The following NAV3 variants were observed in gnomAD, a reference collection of about 807,000 sequenced individuals.
NAV3 encodes pore membrane and/or filament interacting like protein 1.
A neutral mutation model predicts 244.7 loss-of-function variants in NAV3; 87 were observed. The observed-to-expected ratio is 0.36, with a 90% CI of 0.30 to 0.42. NAV3 has a LOEUF of 0.42. Among genes scored for constraint, NAV3 ranks in the 20% least tolerant of loss-of-function variants. NAV3 has a pLI of 1.00. For synonymous variants in NAV3, 1,126 were observed against 1,042.2 expected (o/e 1.08, Z -1.55); for missense variants, 2,663 against 2,893.3 (o/e 0.92, Z 1.83).
intron 1 of NAV3, among the ~76,000 whole-genome samples, chr12:77,868,348 C>T (rs1432034578): frequency 6.6e-6 from 1 of 151,936 alleles, no homozygotes; most frequent in Non-Finnish European, 1.5e-5. Context: ...TCTATTTTAT[C>T]TTATTTTATT....
intron 2 of NAV3, among the ~76,000 whole-genome samples, chr12:77,677,689 A>C (rs1026800932): frequency 6.6e-6 from 1 of 152,330 alleles, no homozygotes; most frequent in South Asian, 2.1e-4. Context: ...TAATTAGCGC[A>C]TTGCTTTGTA....
At chr12:78,168,907 A>G (rs1726431) in intron 24 of NAV3, 41 bp downstream of exon 24, 1,261,158 of 1,281,530 alleles carry the variant, frequency 0.98, 620,893 homozygotes, top group East Asian at 1. Context: ...AATATAATAG[A>G]CATCTATTTT....
chr12:77,597,644 G>T (rs1870231837), intron 2 of NAV3, among the ~76,000 whole-genome samples: 1 of 152,010 alleles, frequency 6.6e-6, no homozygotes, highest in Admixed American at 6.6e-5. Flanking sequence ...CTGGGTGCAG[G>T]AGATTTAACC....
intron 2 of NAV3, among the ~76,000 whole-genome samples, chr12:77,777,271 A>G (rs989896835): frequency 4.6e-5 from 7 of 152,224 alleles, no homozygotes; most frequent in Admixed American, 4.6e-4. Context: ...ATATAATGAA[A>G]TATATATACA....
At chr12:77,857,485 CCTAA>C (rs1453295001) in intron 1 of NAV3, among the ~76,000 whole-genome samples, 1 of 151,698 alleles carries the variant, frequency 6.6e-6, no homozygotes, top group South Asian at 2.1e-4. Flanking sequence ...TAGGGTTTTT[CCTAA>C]CTAAAATAAA....
chr12:78,002,544 AT>A (rs1873480030), intron 7 of NAV3, among the ~76,000 whole-genome samples: 1 of 152,130 alleles, frequency 6.6e-6, no homozygotes. Context: ...TAGTCTTTAA[AT>A]TTGGGCAGCT....
intron 12 of NAV3, among the ~76,000 whole-genome samples, chr12:78,091,106 T>G (rs1452689562): frequency 6.6e-6 from 1 of 152,270 alleles, no homozygotes; most frequent in Non-Finnish European, 1.5e-5. Flanking sequence ...AAATGCATTT[T>G]TGAAATAGAC....
intron 2 of NAV3, among the ~76,000 whole-genome samples, chr12:77,666,352 A>C (rs1873717969): frequency 6.6e-6 from 1 of 152,136 alleles, no homozygotes; most frequent in Non-Finnish European, 1.5e-5. Context: ...GTAGACATGC[A>C]ACAGATACTC....
chr12:77,877,207 C>T (rs536538736), intron 1 of NAV3, among the ~76,000 whole-genome samples: 6 of 152,018 alleles, frequency 3.9e-5, no homozygotes, highest in Non-Finnish European at 7.4e-5. Context: ...GAGAATATTT[C>T]CCATTTGTTT....
chr12:77,882,618 G>T (rs189460126), intron 1 of NAV3, among the ~76,000 whole-genome samples: 69 of 152,220 alleles, frequency 4.5e-4, no homozygotes, highest in Non-Finnish European at 8.1e-4. Context: ...CACATTGAAA[G>T]AAACTATCAA....
At chr12:77,622,534 ATTTTTTTTTTT>A (rs529338324) in intron 2 of NAV3, among the ~76,000 whole-genome samples, 3,794 of 90,734 alleles carry the variant, frequency 0.042, 99 homozygotes, top group Middle Eastern at 0.085. Flanking sequence ...ATCCATATGG[ATTTTTTTTTTT>A]TTTTTTTTTT....
At chr12:77,943,729 T>C (rs555723827) in intron 3 of NAV3, among the ~76,000 whole-genome samples, 48 of 152,216 alleles carry the variant, frequency 3.2e-4, no homozygotes, top group Non-Finnish European at 5.9e-4. Context: ...TACTTGCTCA[T>C]AGGACTACTT....
chr12:77,612,865 G>T (rs751611685), intron 2 of NAV3, among the ~76,000 whole-genome samples: 3 of 152,036 alleles, frequency 2.0e-5, no homozygotes, highest in Admixed American at 6.6e-5. Context: ...TCATGGGGAC[G>T]GTTCCTCCAT....
chr12:77,880,346 T>G (rs942115071), intron 1 of NAV3, among the ~76,000 whole-genome samples: 1 of 152,088 alleles, frequency 6.6e-6, no homozygotes, highest in African/African-American at 2.4e-5. Context: ...TTCAGGAAAA[T>G]GGACAATTTT....
intron 1 of NAV3, among the ~76,000 whole-genome samples, chr12:77,837,219 G>A (rs1053733556): frequency 1.3e-5 from 2 of 150,166 alleles, no homozygotes; most frequent in East Asian, 2.0e-4. Context: ...GAAAAGTTAT[G>A]TAAACTTTTA....
intron 2 of NAV3, among the ~76,000 whole-genome samples, chr12:77,711,357 C>A (rs1592606889): frequency 6.6e-6 from 1 of 152,182 alleles, no homozygotes; most frequent in Non-Finnish European, 1.5e-5. Context: ...CATCTCTAGT[C>A]CCATAGGAAA....
intron 12 of NAV3, among the ~76,000 whole-genome samples, chr12:78,079,791 C>T (rs545242376): frequency 6.6e-6 from 1 of 152,140 alleles, no homozygotes; most frequent in Non-Finnish European, 1.5e-5. Context: ...GGCCTACCCT[C>T]TAAGTGGAGT....
At chr12:78,149,861 A>T (rs960413968) in intron 22 of NAV3, among the ~76,000 whole-genome samples, 3 of 152,070 alleles carry the variant, frequency 2.0e-5, no homozygotes, top group African/African-American at 7.2e-5. Flanking sequence ...ATTTTTTTTA[A>T]GCTATCATTG....
chr12:78,150,097 T>A (rs1016272600), intron 22 of NAV3, among the ~76,000 whole-genome samples: 1 of 152,060 alleles, frequency 6.6e-6, no homozygotes, highest in Non-Finnish European at 1.5e-5. Flanking sequence ...TTGTTGTGTT[T>A]TTAAAGAGAT....
Sources: allele counts gnomAD v4.1 joint callset (sites outside exome capture counted in the v4.1 genomes callset), GRCh38; gene constraint gnomAD v4.1.1; transcripts MANE v1.5; gene names NCBI Gene and HGNC (gene_info 2026-07-23, HGNC 2026-07-21).